The following ZNF277 variants were observed in gnomAD, a reference collection of about 807,000 sequenced individuals.
The protein encoded by ZNF277 is nuclear receptor-interacting factor 4.
ZNF277 carries 55 observed loss-of-function variants against 60.7 expected under a neutral mutation model. The ratio of observed to expected loss-of-function variants is 0.91; its 90% CI spans 0.73 to 1.13. The LOEUF is 1.13. Among genes scored for constraint, ZNF277 ranks in the 50% most tolerant of loss-of-function variants. ZNF277 has a pLI of 0.00. For missense variants in ZNF277, 510 were observed against 523.0 expected (o/e 0.98, Z 0.24); for synonymous variants, 178 against 179.3 (o/e 0.99, Z 0.06).
intron 1 of ZNF277, among the ~76,000 whole-genome samples, chr7:112,280,291 G>A (rs1791910855): frequency 6.6e-6 from 1 of 152,112 alleles, no homozygotes; most frequent in Non-Finnish European, 1.5e-5. Flanking sequence ...AGTATGAGAA[G>A]CGCTTCCCTA....
chr7:112,283,692 A>G (rs1240369435), intron 1 of ZNF277, among the ~76,000 whole-genome samples: 15 of 152,250 alleles, frequency 9.9e-5, no homozygotes, highest in Admixed American at 9.8e-4. Context: ...ACAATTTGAA[A>G]AAAGAGAAAC....
chr7:112,283,237 T>C (rs551066074), intron 1 of ZNF277, among the ~76,000 whole-genome samples: 6 of 152,210 alleles, frequency 3.9e-5, no homozygotes, highest in Non-Finnish European at 8.8e-5. Context: ...ATATTAAAAC[T>C]TATTTTCTGG....
intron 1 of ZNF277, among the ~76,000 whole-genome samples, chr7:112,239,878 C>T (rs928251715): frequency 6.6e-6 from 1 of 152,110 alleles, no homozygotes; most frequent in Non-Finnish European, 1.5e-5. Context: ...ACTACAACCA[C>T]TTTTAAGACA....
intron 4 of ZNF277, among the ~76,000 whole-genome samples, chr7:112,312,257 G>A (rs1792749038): frequency 6.6e-6 from 1 of 152,154 alleles, no homozygotes; most frequent in East Asian, 1.9e-4. Flanking sequence ...TGAGTCCTAG[G>A]CAGATGAATT....
At chr7:112,217,796 G>GATA (rs1457260208) in intron 1 of ZNF277, among the ~76,000 whole-genome samples, 1 of 152,064 alleles carries the variant, frequency 6.6e-6, no homozygotes, top group African/African-American at 2.4e-5. Flanking sequence ...TGTTCCTAGG[G>GATA]ATAACATCAC....
chr7:112,219,472 G>T (rs1821970786), intron 1 of ZNF277, among the ~76,000 whole-genome samples: 1 of 152,050 alleles, frequency 6.6e-6, no homozygotes, highest in Non-Finnish European at 1.5e-5. Flanking sequence ...TTATTGAAGA[G>T]ATTGTCCTTT....
chr7:112,287,396 ATTGT>A (rs1353043409), intron 2 of ZNF277: 1 of 219,234 alleles, frequency 4.6e-6, no homozygotes, highest in Non-Finnish European at 9.0e-6. Flanking sequence ...AATTAAATGT[ATTGT>A]TTGTTAAAGG....
intron 1 of ZNF277, among the ~76,000 whole-genome samples, chr7:112,264,587 G>A (rs1287854066): frequency 6.6e-6 from 1 of 151,834 alleles, no homozygotes; most frequent in African/African-American, 2.4e-5. Context: ...AAAGTTATTT[G>A]TAGCTATTAA....
chr7:112,290,137 C>G (rs1353717392), intron 2 of ZNF277, among the ~76,000 whole-genome samples: 2 of 152,098 alleles, frequency 1.3e-5, no homozygotes, highest in Non-Finnish European at 2.9e-5. Flanking sequence ...TGAAACTGTT[C>G]TTTTATTCCC....
intron 5 of ZNF277, among the ~76,000 whole-genome samples, chr7:112,319,763 A>C (rs1031937544): frequency 5.3e-5 from 8 of 151,160 alleles, no homozygotes; most frequent in African/African-American, 1.7e-4. Flanking sequence ...CCAGTGGTAA[A>C]GGTTTGATTC....
intron 1 of ZNF277, among the ~76,000 whole-genome samples, chr7:112,222,868 G>T (rs562910753): frequency 6.6e-6 from 1 of 152,226 alleles, no homozygotes; most frequent in East Asian, 1.9e-4. Flanking sequence ...TAATCTGGGT[G>T]GGTACCATCT....
chr7:112,343,026 A>G lies in ZNF277; in HGVS notation c.*297A>G, dbSNP rs1388328196. The G allele has an allele frequency of 1.6e-5, 3 of 188,846 alleles. No individual in the cohort carries two copies. Among genetic ancestry groups the G allele is most frequent in the East Asian group, 1.3e-4 (1 of 7,606 alleles). The allele number at this position is 188,846 out of a possible 1,614,324, so 11.7% of individuals were successfully genotyped here. ...CACTTCATTAAACTCATAATTATAT[A>G]TAGAAGTATATGTCAATTACAAAGA... On this transcript the variant is annotated 3_prime_UTR_variant, in exon 12 of 12. Coordinates refer to ENST00000361822, the MANE Select transcript of ZNF277 (RefSeq NM_021994.3).
intron 4 of ZNF277, among the ~76,000 whole-genome samples, chr7:112,312,526 G>A (rs1792753856): frequency 6.6e-6 from 1 of 152,040 alleles, no homozygotes; most frequent in Non-Finnish European, 1.5e-5. Flanking sequence ...GTATTTAGGA[G>A]TAAAGCATCA....
chr7:112,228,189 CT>C (rs1822225748), intron 1 of ZNF277, among the ~76,000 whole-genome samples: 1 of 151,994 alleles, frequency 6.6e-6, no homozygotes, highest in African/African-American at 2.4e-5. Context: ...TGTCTTCCCC[CT>C]ATCTGTCTCT....
At chr7:112,234,366 G>A (rs774023866) in intron 1 of ZNF277, among the ~76,000 whole-genome samples, 8 of 152,136 alleles carry the variant, frequency 5.3e-5, no homozygotes, top group Non-Finnish European at 8.8e-5. Context: ...CAACAAATTT[G>A]ATGTCTGATG....
At chr7:112,252,439 G>A (rs1345155906) in intron 1 of ZNF277, among the ~76,000 whole-genome samples, 1 of 152,142 alleles carries the variant, frequency 6.6e-6, no homozygotes, top group Non-Finnish European at 1.5e-5. Context: ...GGGTAGAGCT[G>A]TGGTTTTCTT....
At chr7:112,223,240 T>C (rs1822081388) in intron 1 of ZNF277, among the ~76,000 whole-genome samples, 1 of 152,104 alleles carries the variant, frequency 6.6e-6, no homozygotes, top group African/African-American at 2.4e-5. Flanking sequence ...GAAGATGAGA[T>C]TCGGGGCCAT....
intron 1 of ZNF277, among the ~76,000 whole-genome samples, chr7:112,208,886 T>C (rs1168778190): frequency 1.3e-5 from 2 of 152,086 alleles, no homozygotes; most frequent in Non-Finnish European, 2.9e-5. Context: ...TTCACCGTGT[T>C]AGCCAGGAGG....
intron 2 of ZNF277, 23 bp from the exon 3 acceptor site, chr7:112,295,846 T>G (rs1792312188): frequency 6.4e-7 from 1 of 1,557,952 alleles, no homozygotes; most frequent in Non-Finnish European, 8.8e-7. Flanking sequence ...TTCTCATCGT[T>G]CCTTATTTTA....
Sources: allele counts gnomAD v4.1 joint callset (sites outside exome capture counted in the v4.1 genomes callset), GRCh38; gene constraint gnomAD v4.1.1; transcripts MANE v1.5; gene names NCBI Gene and HGNC (gene_info 2026-07-23, HGNC 2026-07-21).